SCFD2: variants seen among roughly 807,000 people sequenced by gnomAD.
SCFD2 encodes sec1 family domain-containing protein 2.
Under a neutral mutation model 58.9 loss-of-function variants are expected in SCFD2, and 54 were observed. That is an observed-to-expected ratio of 0.92 (90% CI 0.74 to 1.15). The LOEUF (loss-of-function observed/expected upper bound fraction) is 1.15, where lower values mean the gene tolerates loss of function less well. SCFD2 is among the 50% of genes most tolerant of loss of function. The pLI, the probability that SCFD2 is intolerant of heterozygous loss-of-function variation, is 0.00. For synonymous variants in SCFD2, 321 were observed against 335.9 expected (o/e 0.96, Z 0.49); for missense variants, 805 against 836.6 (o/e 0.96, Z 0.47).
At chr4:53,120,130 C>T (rs1725437862) in intron 5 of SCFD2, among the ~76,000 whole-genome samples, 1 of 152,082 alleles carries the variant, frequency 6.6e-6, no homozygotes, top group Admixed American at 6.6e-5. Context: ...GTAATAAACG[C>T]ATTTGACGAA....
chr4:53,102,227 C>T (rs1724850953), intron 5 of SCFD2, among the ~76,000 whole-genome samples: 1 of 152,146 alleles, frequency 6.6e-6, no homozygotes, highest in Non-Finnish European at 1.5e-5. Flanking sequence ...GATAAATTTT[C>T]ATCCATTCCT....
At chr4:52,904,579 G>A (rs912146871) in intron 7 of SCFD2, among the ~76,000 whole-genome samples, 9 of 152,144 alleles carry the variant, frequency 5.9e-5, no homozygotes, top group Non-Finnish European at 1.2e-4. Flanking sequence ...AGATGACCTC[G>A]AGGGAGTTCA....
chr4:53,142,891 T>G (rs948178884), intron 5 of SCFD2, among the ~76,000 whole-genome samples: 6 of 152,222 alleles, frequency 3.9e-5, no homozygotes, highest in African/African-American at 1.4e-4. Context: ...ATGTCAAATT[T>G]ATTTGACATC....
chr4:53,232,131 A>G (rs1729458716), intron 4 of SCFD2, among the ~76,000 whole-genome samples: 1 of 152,244 alleles, frequency 6.6e-6, no homozygotes, highest in South Asian at 2.1e-4. Flanking sequence ...CTATTTAAAA[A>G]TTATGAATCC....
chr4:53,296,460 A>T (rs1412274429), intron 3 of SCFD2, among the ~76,000 whole-genome samples: 1 of 152,172 alleles, frequency 6.6e-6, no homozygotes, highest in African/African-American at 2.4e-5. Context: ...GGTAGATTGT[A>T]TGTCTGTGGG....
rs544615957 is a variant in SCFD2 at position 53,058,685 on chromosome 4, A to T, written c.1561+86648T>A. On this transcript the variant is annotated intron_variant, in intron 5 of 8. Coordinates refer to ENST00000401642, the MANE Select transcript of SCFD2 (RefSeq NM_152540.4). ...AATTGCCCCTAACAATCTGCCCCTTAACTGAATCTTTTGGTTTCGATCTCT... is the reference window on the plus strand; with the variant it reads ...AATTGCCCCTAACAATCTGCCCCTTTACTGAATCTTTTGGTTTCGATCTCT... Among the ~76,000 whole-genome samples the T allele has an allele frequency of 5.9e-5, 9 of 152,282 alleles. No homozygotes were observed. In the South Asian group the frequency reaches 1.7e-3, roughly 28 times the overall value.
intron 3 of SCFD2, among the ~76,000 whole-genome samples, chr4:53,295,439 G>T (rs1209089686): frequency 6.6e-6 from 1 of 152,090 alleles, no homozygotes; most frequent in African/African-American, 2.4e-5. Flanking sequence ...GGCTCTGTTT[G>T]TCTGTTATTG....
chr4:53,329,337 A>G (rs1188150494), intron 2 of SCFD2, among the ~76,000 whole-genome samples: 1 of 152,098 alleles, frequency 6.6e-6, no homozygotes, highest in Non-Finnish European at 1.5e-5. Context: ...GCAGACTTAA[A>G]TGTCCCTGTC....
At chr4:53,229,704 G>A (rs1729363777) in intron 4 of SCFD2, among the ~76,000 whole-genome samples, 1 of 152,194 alleles carries the variant, frequency 6.6e-6, no homozygotes, top group South Asian at 2.1e-4. Flanking sequence ...TCAGGACATA[G>A]GCATGGGCAA....
chr4:53,237,474 A>AC (rs1240588447), intron 4 of SCFD2, among the ~76,000 whole-genome samples: 6 of 63,122 alleles, frequency 9.5e-5, no homozygotes, highest in Admixed American at 5.1e-4. Context: ...GGGGGGGCTG[A>AC]CCCCCCCACC....
At chr4:53,339,692 C>T (rs1041430124) in intron 2 of SCFD2, among the ~76,000 whole-genome samples, 8 of 151,950 alleles carry the variant, frequency 5.3e-5, no homozygotes, top group African/African-American at 1.9e-4. Flanking sequence ...ATGGCTCAAA[C>T]CTGGGAGGCA....
chr4:52,992,578 T>G (rs564158527), intron 5 of SCFD2, among the ~76,000 whole-genome samples: 2 of 150,826 alleles, frequency 1.3e-5, no homozygotes, highest in African/African-American at 4.9e-5. Context: ...CTCTAGGAAG[T>G]GAGGAGCGTC....
chr4:52,923,404 G>A (rs1719787540), intron 5 of SCFD2, among the ~76,000 whole-genome samples: 1 of 151,942 alleles, frequency 6.6e-6, no homozygotes, highest in Admixed American at 6.6e-5. Flanking sequence ...CTTGAGCCCG[G>A]GAGTTGGAGG....
At chr4:53,342,345 T>C (rs1293967966) in intron 2 of SCFD2, among the ~76,000 whole-genome samples, 1 of 151,600 alleles carries the variant, frequency 6.6e-6, no homozygotes, top group Admixed American at 6.6e-5. Flanking sequence ...CCAACAAAGA[T>C]CAAAAGAGAC....
intron 3 of SCFD2, among the ~76,000 whole-genome samples, chr4:53,278,115 C>G (rs1238814731): frequency 6.6e-6 from 1 of 151,078 alleles, no homozygotes; most frequent in Non-Finnish European, 1.5e-5. Context: ...GCCTGTAATC[C>G]CAGCACTTTT....
chr4:52,995,115 A>G (rs1165566079), intron 5 of SCFD2, among the ~76,000 whole-genome samples: 1 of 152,226 alleles, frequency 6.6e-6, no homozygotes, highest in Non-Finnish European at 1.5e-5. Context: ...ACATTTTAAT[A>G]TATAAGGAAA....
At chr4:52,951,315 T>C (rs1287924813) in intron 5 of SCFD2, among the ~76,000 whole-genome samples, 2 of 152,128 alleles carry the variant, frequency 1.3e-5, no homozygotes, top group African/African-American at 4.8e-5. Context: ...CGGAGAAGCA[T>C]AGAGAGGCAG....
chr4:53,167,075 G>A (rs1169802222), intron 4 of SCFD2, among the ~76,000 whole-genome samples: 1 of 152,068 alleles, frequency 6.6e-6, no homozygotes. Context: ...TCTAACAACA[G>A]CCCCTTTGCC....
At chr4:53,357,339 G>A (rs1222679113) in intron 1 of SCFD2, among the ~76,000 whole-genome samples, 1 of 152,006 alleles carries the variant, frequency 6.6e-6, no homozygotes, top group African/African-American at 2.4e-5. Context: ...TGAGGCACAA[G>A]AATCGCTTGA....
Sources: gnomAD v4.1 joint callset for allele counts (sites outside exome capture counted in the v4.1 genomes callset) on GRCh38, gnomAD v4.1.1 for gene constraint, MANE v1.5 for transcripts, NCBI Gene and HGNC (gene_info 2026-07-23, HGNC 2026-07-21) for gene names.